The following PTPRD variants were observed in gnomAD, a reference collection of about 807,000 sequenced individuals.
PTPRD encodes the protein protein tyrosine phosphatase receptor type D, also known as receptor-type tyrosine-protein phosphatase delta.
PTPRD carries 34 observed loss-of-function variants against 214.5 expected under a neutral mutation model. The observed-to-expected ratio is 0.16, with a 90% CI of 0.12 to 0.21. The LOEUF (loss-of-function observed/expected upper bound fraction) is 0.21. Ranked by LOEUF, PTPRD falls within the 10% of genes least tolerant of loss-of-function variation. The pLI is 1.00. For synonymous variants in PTPRD, 1,128 were observed against 845.7 expected (o/e 1.33, Z -5.79); for missense variants, 2,545 against 2,398.7 (o/e 1.06, Z -1.27).
In PTPRD at chr9:9,313,293, T is replaced by C. The variant is rs554234602; in HGVS notation, c.-203+84156A>G. Among the ~76,000 whole-genome samples the C allele has an allele frequency of 5.3e-5, 8 of 152,312 alleles. No individual in the cohort carries two copies. In the South Asian group the frequency reaches 1.4e-3, roughly 28 times the overall value. ...ATAAATGTGTTGAAATATGTATAGA[T>C]GATCTCTCTGTTGGACCAGTTAAGA... On this transcript the variant is annotated intron_variant, in intron 9 of 45. Transcript: ENST00000381196.
In PTPRD at chr9:9,105,313, CA is replaced by C. The variant is rs1356548042; in HGVS notation, c.-143+77990del. Among the ~76,000 whole-genome samples, 238 of 150,912 alleles carry C rather than the reference CA, an allele frequency of 1.6e-3. 1 individual carries two copies. Among genetic ancestry groups the C allele is most frequent in the Admixed American group, 3.4e-3 (51 of 14,894 alleles). On this transcript the variant is annotated intron_variant, in intron 10 of 45. Transcript: ENST00000381196. The stretch of plus-strand genomic sequence containing the variant: ...CTTTCATACCTCTTCCATAGCTTTT[CA>C]ATGATTATGCATTGTTGATTTTGTT...
intron 10 of PTPRD, among the ~76,000 whole-genome samples, chr9:9,070,659 A>G (rs1410202388): frequency 6.6e-6 from 1 of 152,242 alleles, no homozygotes; most frequent in Non-Finnish European, 1.5e-5. Flanking sequence ...GTATTCAGCC[A>G]TAAGAACACA....
chr9:9,151,384 G>C (rs111846651), intron 10 of PTPRD, among the ~76,000 whole-genome samples: 3 of 152,264 alleles, frequency 2.0e-5, no homozygotes, highest in African/African-American at 7.2e-5. Context: ...ATCAGACACA[G>C]AGGTGTTGAG....
intron 34 of PTPRD, among the ~76,000 whole-genome samples, chr9:8,440,662 T>C (rs1186961147): frequency 6.6e-6 from 1 of 152,190 alleles, no homozygotes; most frequent in Non-Finnish European, 1.5e-5. Context: ...ACTTTTTATT[T>C]TGAAGCTATG....
intron 2 of PTPRD, among the ~76,000 whole-genome samples, chr9:10,406,194 G>A (rs1164021614): frequency 2.0e-5 from 3 of 151,276 alleles, no homozygotes; most frequent in Non-Finnish European, 4.4e-5. Flanking sequence ...AAATAAGGAT[G>A]ATATTTGTTA....
intron 9 of PTPRD, among the ~76,000 whole-genome samples, chr9:9,238,454 CT>C (rs1275761779): frequency 2.6e-5 from 4 of 152,100 alleles, no homozygotes; most frequent in Non-Finnish European, 5.9e-5. Context: ...AACCCTTTGT[CT>C]CTTTTTCTTG....
chr9:9,608,189 G>C lies in PTPRD; in HGVS notation c.-286-33408C>G, dbSNP rs544417052. On this transcript the variant is annotated intron_variant, in intron 7 of 45. Coordinates refer to ENST00000381196, the MANE Select transcript of PTPRD (RefSeq NM_002839.4). Reference sequence around the variant, plus strand: ...AATTAAGTGAATCACCTCATATGAGGTACACAATATAATTCCTGACATGGT... The same window carrying C: ...AATTAAGTGAATCACCTCATATGAGCTACACAATATAATTCCTGACATGGT... 4.6e-5 allele frequency among the ~76,000 whole-genome samples: 7 copies of C among 152,112 alleles called. No individual in the cohort carries two copies. In the East Asian group the frequency reaches 1.2e-3, roughly 25 times the overall value.
chr9:10,008,042 A>T (rs755730609), intron 4 of PTPRD, among the ~76,000 whole-genome samples: 15 of 152,172 alleles, frequency 9.9e-5, no homozygotes, highest in Middle Eastern at 3.4e-3. Context: ...GGAAATATTC[A>T]TAAGGCAAAC....
chr9:10,497,189 T>C (rs2133040478), intron 2 of PTPRD, among the ~76,000 whole-genome samples: 1 of 152,034 alleles, frequency 6.6e-6, no homozygotes, highest in Non-Finnish European at 1.5e-5. Flanking sequence ...AAAACTACCT[T>C]ACTAGTACTA....
At chr9:8,638,474 G>A (rs2096496465) in intron 12 of PTPRD, among the ~76,000 whole-genome samples, 1 of 152,144 alleles carries the variant, frequency 6.6e-6, no homozygotes, top group Non-Finnish European at 1.5e-5. Context: ...TTCTTGGTAT[G>A]ACATATGAAA....
At chr9:9,916,751 A>T (rs1461481535) in intron 5 of PTPRD, among the ~76,000 whole-genome samples, 1 of 152,016 alleles carries the variant, frequency 6.6e-6, no homozygotes, top group Non-Finnish European at 1.5e-5. Context: ...TTTACAAAAC[A>T]TTTCATTCAA....
chr9:8,634,652 A>G (rs72698257), intron 13 of PTPRD, among the ~76,000 whole-genome samples: 1,681 of 152,174 alleles, frequency 0.011, 24 homozygotes, highest in African/African-American at 0.029. Context: ...GCATCTTAGG[A>G]AAGAAAAGTT....
At chr9:8,598,467 A>AAAATAAATAAAT (rs61195965) in intron 14 of PTPRD, among the ~76,000 whole-genome samples, 13 of 151,894 alleles carry the variant, frequency 8.6e-5, no homozygotes, top group African/African-American at 2.9e-4. Context: ...TCAAAAAAAT[A>AAAATAAATAAAT]AAATAAATAA....
At chr9:8,328,058 A>T (rs1835777156) in intron 44 of PTPRD, among the ~76,000 whole-genome samples, 1 of 152,176 alleles carries the variant, frequency 6.6e-6, no homozygotes, top group African/African-American at 2.4e-5. Context: ...TGATCCTGTC[A>T]TTATGATGTT....
chr9:9,322,887 G>T (rs937846719), intron 9 of PTPRD, among the ~76,000 whole-genome samples: 7 of 152,108 alleles, frequency 4.6e-5, no homozygotes, highest in African/African-American at 1.7e-4. Context: ...TTTGCACCTT[G>T]ACATATTCCA....
intron 7 of PTPRD, among the ~76,000 whole-genome samples, chr9:9,678,587 T>A (rs1280883394): frequency 6.6e-6 from 1 of 151,892 alleles, no homozygotes; most frequent in East Asian, 1.9e-4. Context: ...TGAACATCAT[T>A]ATTAATAGTG....
chr9:9,165,401 G>T (rs114955829), intron 10 of PTPRD, among the ~76,000 whole-genome samples: 2,702 of 152,276 alleles, frequency 0.018, 80 homozygotes, highest in African/African-American at 0.061. Context: ...AACAAAGTCA[G>T]ATGAGAAATA....
chr9:8,529,513 C>T (rs1366903446), intron 14 of PTPRD, among the ~76,000 whole-genome samples: 2 of 152,120 alleles, frequency 1.3e-5, no homozygotes, highest in African/African-American at 2.4e-5. Context: ...CAAAGATCTG[C>T]ATCATTTTCA....
intron 7 of PTPRD, among the ~76,000 whole-genome samples, chr9:9,578,364 T>G (rs1047974860): frequency 6.6e-6 from 1 of 152,068 alleles, no homozygotes; most frequent in Non-Finnish European, 1.5e-5. Flanking sequence ...GGATCTATGA[T>G]GTAGTGTTTG....
Sources: gnomAD v4.1 joint callset for allele counts (sites outside exome capture counted in the v4.1 genomes callset) on GRCh38, gnomAD v4.1.1 for gene constraint, MANE v1.5 for transcripts, NCBI Gene and HGNC (gene_info 2026-07-23, HGNC 2026-07-21) for gene names.